NEGR1: variants seen among roughly 807,000 people sequenced by gnomAD.
NEGR1 encodes the protein neuronal growth regulator 1.
In NEGR1, 10 loss-of-function variants were observed where a neutral mutation model predicts 40.9. The observed-to-expected ratio is 0.24, with a 90% CI of 0.15 to 0.42. NEGR1 has a LOEUF of 0.42. NEGR1 is among the 10% of genes least tolerant of loss of function. The pLI, the probability that NEGR1 is intolerant of heterozygous loss-of-function variation, is 1.00. For synonymous variants in NEGR1, 185 were observed against 166.8 expected, an observed-to-expected ratio of 1.11 and a Z score of -0.84; for missense variants, 352 against 438.9, an observed-to-expected ratio of 0.80 and a Z score of 1.77.
intron 2 of NEGR1, among the ~76,000 whole-genome samples, chr1:71,828,295 G>T (rs926581355): frequency 6.6e-6 from 1 of 151,856 alleles, no homozygotes; most frequent in Non-Finnish European, 1.5e-5. Context: ...TTCAATAAAT[G>T]TTTGAAAATT....
chr1:72,020,283 A>G (rs1426783214), intron 1 of NEGR1, among the ~76,000 whole-genome samples: 1 of 152,206 alleles, frequency 6.6e-6, no homozygotes, highest in African/African-American at 2.4e-5. Flanking sequence ...TATCTGGAGC[A>G]CACTAGTTTG....
intron 4 of NEGR1, among the ~76,000 whole-genome samples, chr1:71,639,830 T>G (rs2101572275): frequency 6.6e-6 from 1 of 151,716 alleles, no homozygotes; most frequent in African/African-American, 2.4e-5. Context: ...AGTAGAGGGG[T>G]GGAGGAAGGG....
intron 2 of NEGR1, among the ~76,000 whole-genome samples, chr1:71,916,878 T>C (rs969725740): frequency 2.0e-5 from 3 of 152,130 alleles, no homozygotes; most frequent in Non-Finnish European, 1.5e-5. Context: ...TAGTCAACCA[T>C]AGGTAGTGTT....
chr1:71,947,128 ACACG>A, intron 1 of NEGR1, among the ~76,000 whole-genome samples: 1 of 142,504 alleles, frequency 7.0e-6, no homozygotes, highest in East Asian at 2.0e-4. Flanking sequence ...ACACACACAC[ACACG>A]TATATGTATA....
intron 1 of NEGR1, among the ~76,000 whole-genome samples, chr1:72,134,385 T>C (rs1027728367): frequency 7.2e-5 from 11 of 151,816 alleles, no homozygotes; most frequent in East Asian, 1.9e-4. Flanking sequence ...TTTGTATTTT[T>C]AGTAGAGACA....
At chr1:71,922,674 AAAG>A (rs1328079959) in intron 2 of NEGR1, among the ~76,000 whole-genome samples, 2 of 152,198 alleles carry the variant, frequency 1.3e-5, no homozygotes, top group Non-Finnish European at 2.9e-5. Flanking sequence ...TCAAAAGGAG[AAAG>A]AAGAAAGGAC....
chr1:71,690,108 C>A (rs1557614612), intron 4 of NEGR1, among the ~76,000 whole-genome samples: 1 of 151,952 alleles, frequency 6.6e-6, no homozygotes, highest in Non-Finnish European at 1.5e-5. Context: ...CTAATCATTC[C>A]ACTTCTCTCC....
chr1:71,402,357 G>A lies in NEGR1; in HGVS notation c.*5089C>T, dbSNP rs528411144. ...TGACCCTTTGGGGAAAACTATAGTTGCCACAATTGTCTCTGAAATGAAGCA... is the reference window on the plus strand; with the variant it reads ...TGACCCTTTGGGGAAAACTATAGTTACCACAATTGTCTCTGAAATGAAGCA... On this transcript the variant is annotated 3_prime_UTR_variant, in exon 7 of 7. Transcript: ENST00000357731. 1.3e-5 allele frequency: 2 copies of A among 152,322 alleles called. No individual in the cohort carries two copies. Among genetic ancestry groups the A allele is most frequent in the African/African-American group, 4.8e-5 (2 of 41,580 alleles). The allele number at this position is 152,322 out of a possible 1,614,324, so 9.4% of individuals were successfully genotyped here. A position where few individuals can be genotyped will look rare whatever the true frequency, so the allele number is the denominator to read the frequency against.
chr1:72,130,997 A>G (rs1477652599), intron 1 of NEGR1, among the ~76,000 whole-genome samples: 2 of 152,224 alleles, frequency 1.3e-5, no homozygotes, highest in Non-Finnish European at 2.9e-5. Context: ...ACATGTATCT[A>G]CAGGGATCCA....
At chr1:72,001,939 A>C (rs1336014281) in intron 1 of NEGR1, among the ~76,000 whole-genome samples, 1 of 152,066 alleles carries the variant, frequency 6.6e-6, no homozygotes, top group African/African-American at 2.4e-5. Context: ...CCTGCAAAAA[A>C]TCAACCTGAA....
chr1:72,001,569 A>G (rs908005877), intron 1 of NEGR1, among the ~76,000 whole-genome samples: 2 of 151,132 alleles, frequency 1.3e-5, no homozygotes, highest in Admixed American at 1.3e-4. Context: ...AATGCTAAAT[A>G]TTAAAATAGA....
At chr1:71,916,026 T>G (rs1016228489) in intron 2 of NEGR1, among the ~76,000 whole-genome samples, 7 of 152,098 alleles carry the variant, frequency 4.6e-5, no homozygotes, top group South Asian at 2.1e-4. Context: ...TCAGGTTCTT[T>G]AAGGGAAGAG....
At chr1:71,650,504 A>T (rs1283361461) in intron 4 of NEGR1, among the ~76,000 whole-genome samples, 1 of 152,204 alleles carries the variant, frequency 6.6e-6, no homozygotes. Flanking sequence ...AAAATGACCA[A>T]TTTTGAAATG....
At chr1:71,639,571 G>T (rs1481635352) in intron 4 of NEGR1, among the ~76,000 whole-genome samples, 2 of 152,084 alleles carry the variant, frequency 1.3e-5, no homozygotes, top group Non-Finnish European at 2.9e-5. Flanking sequence ...TAGGAAGTTA[G>T]AAGGTGAGGC....
At chr1:72,135,519 G>T (rs973503914) in intron 1 of NEGR1, among the ~76,000 whole-genome samples, 1 of 149,202 alleles carries the variant, frequency 6.7e-6, no homozygotes, top group South Asian at 2.2e-4. Context: ...AAATGAGTTA[G>T]ATCTATGAAT....
chr1:72,189,292 A>G (rs957177032), intron 1 of NEGR1, among the ~76,000 whole-genome samples: 6 of 151,576 alleles, frequency 4.0e-5, no homozygotes, highest in Admixed American at 6.6e-5. Flanking sequence ...CTAATTTACT[A>G]TGAAGTACAA....
intron 6 of NEGR1, among the ~76,000 whole-genome samples, chr1:71,408,392 G>T (rs1364693829): frequency 6.6e-6 from 1 of 151,946 alleles, no homozygotes; most frequent in Non-Finnish European, 1.5e-5. Context: ...GAAGAATTTG[G>T]AGAGTTGAAT....
At chr1:72,092,274 A>G (rs977636381) in intron 1 of NEGR1, among the ~76,000 whole-genome samples, 6 of 152,154 alleles carry the variant, frequency 3.9e-5, no homozygotes, top group Non-Finnish European at 5.9e-5. Flanking sequence ...TGCACCTGCT[A>G]CAATCCTTGG....
At chr1:71,750,092 C>T (rs1375212819) in intron 3 of NEGR1, among the ~76,000 whole-genome samples, 2 of 151,350 alleles carry the variant, frequency 1.3e-5, no homozygotes, top group Non-Finnish European at 1.5e-5. Flanking sequence ...TTCCCAGGTT[C>T]ACGCCATTCT....
Sources: gnomAD v4.1 joint callset for allele counts (sites outside exome capture counted in the v4.1 genomes callset) on GRCh38, gnomAD v4.1.1 for gene constraint, MANE v1.5 for transcripts, NCBI Gene and HGNC (gene_info 2026-07-23, HGNC 2026-07-21) for gene names.